Variants in ZNG1A observed in about 807,000 individuals in gnomAD.
The protein encoded by ZNG1A is Zn regulated GTPase metalloprotein activator 1A.
At chr9:142,703 T>C in the ZNG1A span, among the ~76,000 whole-genome samples, 8 of 137,908 alleles carry the variant, frequency 5.8e-5, no homozygotes, top group Admixed American at 3.0e-4. Flanking sequence ...AGAGCAGAAC[T>C]GAAGGAAATA....
the ZNG1A span, chr9:171,986 A>G: frequency 5.0e-6 from 8 of 1,590,498 alleles, no homozygotes; most frequent in African/African-American, 8.1e-5. Flanking sequence ...AATACTAACA[A>G]AAGCTTTAAT....
At chr9:144,928 C>T in the ZNG1A span, among the ~76,000 whole-genome samples, 1 of 151,510 alleles carries the variant, frequency 6.6e-6, no homozygotes, top group East Asian at 1.9e-4. Context: ...TTTATGCAGC[C>T]AAAAGACACA....
At chr9:154,698 T>A in the ZNG1A span, 1 of 1,588,148 alleles carries the variant, frequency 6.3e-7, no homozygotes, top group Non-Finnish European at 8.5e-7. Flanking sequence ...AACACACTTA[T>A]CATTTCGTAC....
At chr9:141,821 G>A in the ZNG1A span, among the ~76,000 whole-genome samples, 1 of 152,184 alleles carries the variant, frequency 6.6e-6, no homozygotes, top group Admixed American at 6.5e-5. Context: ...GACACACACA[G>A]GCTCAAAATA....
At chr9:147,127 A>C in the ZNG1A span, 1 of 148,528 alleles carries the variant, frequency 6.7e-6, no homozygotes, top group East Asian at 2.0e-4. Flanking sequence ...GCAGTGAGCC[A>C]AGATTGCACC....
the ZNG1A span, among the ~76,000 whole-genome samples, chr9:169,735 G>C: frequency 6.7e-6 from 1 of 150,256 alleles, no homozygotes; most frequent in Non-Finnish European, 1.5e-5. Context: ...ACTATGACTT[G>C]CTGAAAGCTG....
chr9:137,452 T>C, the ZNG1A span, among the ~76,000 whole-genome samples: 2 of 151,052 alleles, frequency 1.3e-5, no homozygotes, highest in South Asian at 4.2e-4. Context: ...TATCACAGGA[T>C]CTGTAACTAT....
the ZNG1A span, chr9:121,367 A>G: frequency 5.2e-6 from 4 of 774,618 alleles, no homozygotes; most frequent in Middle Eastern, 7.5e-4. Context: ...TTTAAAGTAT[A>G]TTGGAATTCG....
chr9:136,077 A>G, the ZNG1A span, among the ~76,000 whole-genome samples: 1 of 77,880 alleles, frequency 1.3e-5, no homozygotes, highest in African/African-American at 3.7e-5. Flanking sequence ...TTGGACAATG[A>G]CTGCCTAGAA....
chr9:162,468 A>G, the ZNG1A span: 5 of 1,522,346 alleles, frequency 3.3e-6, no homozygotes, highest in Admixed American at 1.8e-5. Flanking sequence ...TAGTTATGAT[A>G]CCTACAAAGG....
chr9:121,475 A>G, the ZNG1A span: 3 of 1,611,362 alleles, frequency 1.9e-6, no homozygotes, highest in Non-Finnish European at 2.5e-6. Flanking sequence ...TGTTATGTAC[A>G]AACTTGATCT....
chr9:125,169 C>T, the ZNG1A span, among the ~76,000 whole-genome samples: 7 of 151,524 alleles, frequency 4.6e-5, 1 homozygote, highest in Admixed American at 4.6e-4. Context: ...TACATTCCCA[C>T]CAGCAGTGTA....
the ZNG1A span, among the ~76,000 whole-genome samples, chr9:174,006 G>A: frequency 1.3e-5 from 2 of 152,082 alleles, no homozygotes; most frequent in East Asian, 3.9e-4. Flanking sequence ...AATTAGCCAG[G>A]TGTGGTAGCG....
At chr9:170,649 G>C in the ZNG1A span, among the ~76,000 whole-genome samples, 2 of 146,362 alleles carry the variant, frequency 1.4e-5, no homozygotes, top group African/African-American at 2.6e-5. Context: ...GCCTCCCAAA[G>C]TGCTGGGATT....
At chr9:154,281 A>G in the ZNG1A span, 1 of 147,648 alleles carries the variant, frequency 6.8e-6, no homozygotes, top group Admixed American at 1.0e-4. Flanking sequence ...GCTCTATAGA[A>G]TAAATTAAAA....
the ZNG1A span, chr9:121,593 T>C: frequency 3.8e-6 from 6 of 1,596,996 alleles, no homozygotes; most frequent in East Asian, 6.7e-5. Context: ...AAACAAAATA[T>C]GACGTGATTA....
chr9:127,207 G>T, the ZNG1A span, among the ~76,000 whole-genome samples: 1 of 152,034 alleles, frequency 6.6e-6, no homozygotes, highest in African/African-American at 2.4e-5. Flanking sequence ...TTGTTCCAAG[G>T]TATAGTTTAA....
chr9:145,716 T>TA, the ZNG1A span, among the ~76,000 whole-genome samples: 3 of 150,190 alleles, frequency 2.0e-5, no homozygotes, highest in Non-Finnish European at 3.0e-5. Context: ...AAATAAATTT[T>TA]AAAAAAAACT....
At chr9:165,103 T>C in the ZNG1A span, among the ~76,000 whole-genome samples, 5 of 152,214 alleles carry the variant, frequency 3.3e-5, no homozygotes, top group African/African-American at 1.2e-4. Flanking sequence ...TTATTTAACT[T>C]AGAACTGGAG....
Sources: allele counts gnomAD v4.1 joint callset (sites outside exome capture counted in the v4.1 genomes callset), GRCh38; gene constraint gnomAD v4.1.1; transcripts MANE v1.5; gene names NCBI Gene and HGNC (gene_info 2026-07-23, HGNC 2026-07-21).